NCOA1: variants seen among roughly 807,000 people sequenced by gnomAD.
NCOA1 encodes nuclear receptor coactivator 1.
Under a neutral mutation model 150.9 loss-of-function variants are expected in NCOA1, and 35 were observed. The ratio of observed to expected loss-of-function variants is 0.23; its 90% CI spans 0.18 to 0.31. The LOEUF is 0.31. Ranked by LOEUF, NCOA1 falls within the 10% of genes least tolerant of loss-of-function variation. The probability of loss-of-function intolerance (pLI) is 1.00; values close to 1 mark genes in which losing one functional copy is unlikely to be tolerated. For missense variants in NCOA1, 1,491 were observed against 1,749.3 expected (o/e 0.85, Z 2.63); for synonymous variants, 590 against 630.0 (o/e 0.94, Z 0.95).
chr2:24,511,511 C>A (rs1366332764), intron 1 of NCOA1, among the ~76,000 whole-genome samples: 1 of 152,082 alleles, frequency 6.6e-6, no homozygotes, highest in African/African-American at 2.4e-5. Context: ...TGCTTTTTGG[C>A]CATTTGTACA....
In NCOA1 at chr2:24,757,238, C is replaced by T. The variant is rs568237360; in HGVS notation, c.3882-735C>T. ...GGGCTTGAGTAAAACCTGGGAGTCT[C>T]AATTGCCAGTGAGTCCCAGGGTATT... is the stretch of plus-strand genomic sequence containing the variant. On this transcript the variant is annotated intron_variant, in intron 20 of 22. Transcript: ENST00000348332. Among the ~76,000 whole-genome samples the T allele has an allele frequency of 2.0e-5, 3 of 152,238 alleles. No homozygotes were observed. The East Asian group carries it at 5.8e-4, about 29-fold the overall frequency.
At chr2:24,689,173 T>C (rs990912867) in intron 8 of NCOA1, among the ~76,000 whole-genome samples, 1 of 152,194 alleles carries the variant, frequency 6.6e-6, no homozygotes, top group African/African-American at 2.4e-5. Context: ...AGCTTTGTTC[T>C]TTTTGCTTAG....
chr2:24,683,076 G>T lies in NCOA1; in HGVS notation c.480G>T (p.Leu160=). The T allele has an allele frequency of 1.3e-6, 2 of 1,592,142 alleles. No individual in the cohort carries two copies. The highest frequency in any genetic ancestry group is 1.7e-6 in the Non-Finnish European group (2 of 1,173,050). ...ELMNTSVYSI[L]HVGDHAEFVK... is the part of the protein sequence containing the mutation. Reference sequence around the variant, plus strand: ...TGAATACGAGCGTCTACAGCATACTGCACGTGGGGGATCATGCAGAATTTG... The same window carrying T: ...TGAATACGAGCGTCTACAGCATACTTCACGTGGGGGATCATGCAGAATTTG... Residue 160 remains leucine, a synonymous_variant, in exon 8 of 23, where the codon CTG becomes CTT. Transcript: ENST00000348332.
At chr2:24,664,204 A>T (rs1335705423) in intron 5 of NCOA1, among the ~76,000 whole-genome samples, 2 of 152,226 alleles carry the variant, frequency 1.3e-5, no homozygotes, top group Non-Finnish European at 2.9e-5. Context: ...TGTGGGAGTT[A>T]TAAAATACAA....
At position 24,511,454 on chromosome 2, in the gene NCOA1, T is replaced by A. The variant is rs1663931846; in HGVS notation, c.-396+19852T>A. On this transcript the variant is annotated intron_variant, in intron 1 of 22. Coordinates refer to ENST00000348332, the MANE Select transcript of NCOA1 (RefSeq NM_003743.5). The stretch of plus-strand genomic sequence containing the variant: ...CCAGTGAAGTGGCATCTCACTATAA[T>A]TGTTGATTTGCATTTCCCTAATGAC... Among the ~76,000 whole-genome samples, 4 of 152,200 alleles carry A rather than the reference T, an allele frequency of 2.6e-5. No individual in the cohort carries two copies. In the South Asian group the frequency reaches 6.2e-4, roughly 24 times the overall value.
intron 22 of NCOA1, 106 bp downstream of exon 22, chr2:24,762,882 G>A (rs1441226223): frequency 6.3e-6 from 6 of 954,672 alleles, no homozygotes; most frequent in Non-Finnish European, 9.9e-6. Context: ...AGACCTGGGT[G>A]TGAGTCCTGG....
At chr2:24,722,201 T>C (rs573388189) in intron 14 of NCOA1, among the ~76,000 whole-genome samples, 10 of 152,180 alleles carry the variant, frequency 6.6e-5, no homozygotes, top group Non-Finnish European at 8.8e-5. Context: ...CAAAACATGT[T>C]GTGTGTATGC....
chr2:24,729,064 A>G (rs1236618594), intron 16 of NCOA1, among the ~76,000 whole-genome samples: 2 of 152,262 alleles, frequency 1.3e-5, no homozygotes, highest in Non-Finnish European at 2.9e-5. Flanking sequence ...TTTGGAAACC[A>G]TAACGCTACA....
At chr2:24,695,020 G>T (rs552301653) in intron 10 of NCOA1, among the ~76,000 whole-genome samples, 1 of 152,122 alleles carries the variant, frequency 6.6e-6, no homozygotes, top group African/African-American at 2.4e-5. Flanking sequence ...TGTCAGAGAT[G>T]GGGGAGGCCT....
chr2:24,724,333 T>C (rs989260344), intron 14 of NCOA1, among the ~76,000 whole-genome samples: 1 of 152,156 alleles, frequency 6.6e-6, no homozygotes, highest in African/African-American at 2.4e-5. Context: ...ACCAAAAATA[T>C]TTCATTTATT....
intron 1 of NCOA1, among the ~76,000 whole-genome samples, chr2:24,544,263 G>A (rs1665515267): frequency 6.6e-6 from 1 of 152,158 alleles, no homozygotes; most frequent in South Asian, 2.1e-4. Context: ...CACCTAACTT[G>A]AGATCCAACT....
At chr2:24,642,564 T>C (rs1670280034) in intron 3 of NCOA1, among the ~76,000 whole-genome samples, 1 of 152,170 alleles carries the variant, frequency 6.6e-6, no homozygotes, top group Non-Finnish European at 1.5e-5. Flanking sequence ...ATTTATCTTC[T>C]AGTAGACAGC....
chr2:24,526,539 A>G (rs990386884), intron 1 of NCOA1, among the ~76,000 whole-genome samples: 1 of 152,114 alleles, frequency 6.6e-6, no homozygotes, highest in African/African-American at 2.4e-5. Flanking sequence ...TATCATTTTT[A>G]CTAAGATTGT....
At chr2:24,765,600 G>A (rs1188956513) in intron 22 of NCOA1, among the ~76,000 whole-genome samples, 2 of 151,998 alleles carry the variant, frequency 1.3e-5, no homozygotes, top group Admixed American at 1.3e-4. Flanking sequence ...TGACAAATTA[G>A]TTACACCCAA....
At position 24,690,381 on chromosome 2, in the gene NCOA1, G is replaced by A. The variant is rs117294512; in HGVS notation, c.533-1100G>A. Among the ~76,000 whole-genome samples, 556 of 152,126 alleles carry A rather than the reference G, an allele frequency of 3.7e-3. 23 individuals are homozygous for A. In the East Asian group the frequency reaches 0.096, roughly 26 times the overall value. ...AGTAAAAAAGCAGCCTTGGCCAGGC[G>A]TGGTGGCTCACACCTGTAATCTCAG... On this transcript the variant is annotated intron_variant, in intron 8 of 22. Coordinates refer to ENST00000348332, the MANE Select transcript of NCOA1 (RefSeq NM_003743.5).
intron 8 of NCOA1, among the ~76,000 whole-genome samples, chr2:24,689,683 G>A (rs551578364): frequency 9.9e-5 from 15 of 152,276 alleles, no homozygotes; most frequent in African/African-American, 3.6e-4. Flanking sequence ...GAGCCGCCAC[G>A]CGTGGCACAA....
intron 1 of NCOA1, among the ~76,000 whole-genome samples, chr2:24,553,351 T>G (rs1558788749): frequency 6.6e-6 from 1 of 152,032 alleles, no homozygotes; most frequent in African/African-American, 2.4e-5. Flanking sequence ...CCCGAGTAGC[T>G]GGGATTACAG....
chr2:24,572,907 A>G lies in NCOA1; in HGVS notation c.-260+8477A>G, dbSNP rs558090592. ...TTTGCTTTTGGGGGGCCCGTAGGTT[A>G]TTGATAAGAGATAAAACATATTTTT... On this transcript the variant is annotated intron_variant, in intron 2 of 22. Transcript: ENST00000348332. 2.6e-5 allele frequency among the ~76,000 whole-genome samples: 4 copies of G among 152,300 alleles called. No individual in the cohort carries two copies. In the South Asian group the frequency reaches 6.2e-4, roughly 24 times the overall value.
At chr2:24,496,237 T>G (rs1036374700) in intron 1 of NCOA1, among the ~76,000 whole-genome samples, 8 of 152,264 alleles carry the variant, frequency 5.3e-5, no homozygotes, top group Non-Finnish European at 1.2e-4. Context: ...TTTTTTTATG[T>G]TATTGTTTTC....
Sources: gnomAD v4.1 joint callset for allele counts (sites outside exome capture counted in the v4.1 genomes callset) on GRCh38, gnomAD v4.1.1 for gene constraint, MANE v1.5 for transcripts, NCBI Gene and HGNC (gene_info 2026-07-23, HGNC 2026-07-21) for gene names.